The following COL17A1 variants were observed in gnomAD, a reference collection of about 807,000 sequenced individuals.
The protein encoded by COL17A1 is collagen alpha-1(XVII) chain.
In COL17A1, 181 loss-of-function variants were observed where a neutral mutation model predicts 218.4. The observed-to-expected ratio is 0.83, with a 90% CI of 0.73 to 0.94. The LOEUF is 0.94. Ranked by LOEUF, COL17A1 falls within the 40% of genes least tolerant of loss-of-function variation. The pLI is 0.00. For synonymous variants in COL17A1, 721 were observed against 731.0 expected (o/e 0.99, Z 0.22); for missense variants, 1,924 against 1,945.9 (o/e 0.99, Z 0.21).
intron 10 of COL17A1, 105 bp from the exon 11 acceptor site, chr10:104,063,923 T>C: frequency 6.5e-7 from 1 of 1,531,910 alleles, no homozygotes. Flanking sequence ...GATTGGGTTT[T>C]TATATTTTGG....
chr10:104,050,698 G>A (rs1228715872), intron 26 of COL17A1, 42 bp from the exon 27 acceptor site: 11 of 1,614,178 alleles, frequency 6.8e-6, no homozygotes, highest in Non-Finnish European at 8.5e-6. Flanking sequence ...TGCCCTACAA[G>A]GGACAACCAG....
intron 31 of COL17A1, 49 bp downstream of exon 31, chr10:104,047,690 G>A (rs2086426098): frequency 6.8e-7 from 1 of 1,461,454 alleles, no homozygotes; most frequent in South Asian, 1.1e-5. Flanking sequence ...CACACACAAA[G>A]CACACACACA....
At position 104,049,436 on chromosome 10, in the gene COL17A1, C is replaced by A. The variant is rs2086445834; in HGVS notation, c.2200G>T (p.Gly734Cys). ...PGMRGLPGAVGEPGAKGAMGP... is the reference protein window; with the variant it reads ...PGMRGLPGAVCEPGAKGAMGP... ...ATTGCTCCTTTAGCCCCGGGCTCAC[C>A]AACAGCACCAGGCAAACCTCTCATG... Residue 734 changes from glycine (G) to cysteine (C), a missense_variant, in exon 29 of 56, where the codon GGT (glycine) becomes TGT (cysteine). Physicochemically the swap from Gly to Cys is radical, Grantham distance 159. Transcript: ENST00000648076. The A allele has an allele frequency of 3.1e-6, 5 of 1,614,178 alleles. No homozygotes were observed. Among genetic ancestry groups the A allele is most frequent in the Non-Finnish European group, 3.4e-6 (4 of 1,180,030 alleles).
chr10:104,076,283 G>A lies in COL17A1; in HGVS notation c.331+18C>T, dbSNP rs1255345839. 21 of 1,613,854 alleles carry A rather than the reference G, an allele frequency of 1.3e-5. No individual in the cohort carries two copies. The highest frequency in any genetic ancestry group is 1.7e-5 in the Non-Finnish European group (20 of 1,179,856). On this transcript the variant is annotated intron_variant, in intron 5 of 55. Transcript: ENST00000648076. The stretch of plus-strand genomic sequence containing the variant: ...GGGGAAGAGAATGGTTCTCTTGTAT[G>A]GTTAGTGGGACTGATACCTTCATAC...
In COL17A1 at chr10:104,052,223, G is replaced by A; in HGVS notation, c.1940-6C>T. On this transcript the variant is annotated splice_polypyrimidine_tract_variant and splice_region_variant and intron_variant, in intron 23 of 55. Coordinates refer to ENST00000648076, the MANE Select transcript of COL17A1 (RefSeq NM_000494.4). ...ACCTGGTTCACCAGCAGCCCCTGAG[G>A]AGAAATGGAGGGATGAGCACTTTGG... 6.2e-7 allele frequency: 1 copy of A among 1,614,130 alleles called. No individual in the cohort carries two copies. Among genetic ancestry groups the A allele is most frequent in the Non-Finnish European group, 8.5e-7 (1 of 1,179,986 alleles).
chr10:104,054,888 G>A lies in COL17A1; in HGVS notation c.1744+93C>T, dbSNP rs1182454753. On this transcript the variant is annotated intron_variant, in intron 20 of 55. Transcript: ENST00000648076. ...CCCATCTGTTGTCAAATTACTTCTT[G>A]GAGTGCAAGGTGGGTTTTCTGACAC... is the stretch of plus-strand genomic sequence containing the variant. The A allele has an allele frequency of 1.9e-6, 3 of 1,582,668 alleles. No homozygotes were observed. The African/African-American group carries it at 4.0e-5, about 21-fold the overall frequency.
chr10:104,073,007 A>T (rs543695735), intron 7 of COL17A1, among the ~76,000 whole-genome samples: 1 of 152,284 alleles, frequency 6.6e-6, no homozygotes, highest in African/African-American at 2.4e-5. Context: ...CGTGCTTGTT[A>T]GATTACTGTC....
Position 104,049,502 on chromosome 10 carries a change from C to T in COL17A1, c.2165-31G>A, listed in dbSNP as rs746050064. 5.0e-6 allele frequency: 8 copies of T among 1,610,600 alleles called. No homozygotes were observed. The Middle Eastern group carries it at 9.9e-4, about 199-fold the overall frequency. ...AAGGACAAAGAACTAGCTGGTTGGA[C>T]ACTTGCAAGCTGTGTATGCTTTAAC... On this transcript the variant is annotated intron_variant, in intron 28 of 55. Coordinates refer to ENST00000648076, the MANE Select transcript of COL17A1 (RefSeq NM_000494.4).
At chr10:104,039,315 T>C (rs2086334011) in intron 43 of COL17A1, 130 bp downstream of exon 43, 2 of 1,151,420 alleles carry the variant, frequency 1.7e-6, no homozygotes, top group Non-Finnish European at 2.6e-6. Context: ...TGGCCTTTCC[T>C]TCCTCCAGCC....
At position 104,032,235 on chromosome 10, in the gene COL17A1, T is replaced by C. The variant is rs1484860637; in HGVS notation, c.4494A>G (p.Ter1498TrpextTer26). The C allele has an allele frequency of 6.2e-7, 1 of 1,613,562 alleles. No homozygotes were observed. The highest frequency in any genetic ancestry group is 8.5e-7 in the Non-Finnish European group (1 of 1,179,482). ...RRRRSIAVKP[*>W] is the part of the protein sequence containing the mutation. ...CAGGAGCTGTCCTGCCATGGCTAGC[T>C]CACGGCTTGACAGCAATACTTCTTC... Residue 1498 changes from the stop codon to tryptophan, a stop_lost, in exon 56 of 56, where the codon TGA (stop) becomes TGG (tryptophan). Coordinates refer to ENST00000648076, the MANE Select transcript of COL17A1 (RefSeq NM_000494.4).
At chr10:104,049,339 G>T in intron 29 of COL17A1, 70 bp downstream of exon 29, 1 of 1,410,744 alleles carries the variant, frequency 7.1e-7, no homozygotes, top group Non-Finnish European at 1.0e-6. Context: ...TCTAGAAGAC[G>T]GATCTCTCCA....
At position 104,052,211 on chromosome 10, in the gene COL17A1, G is replaced by A. The variant is rs762175995; in HGVS notation, c.1946C>T (p.Ala649Val). Residue 649 changes from alanine (A) to valine (V), a missense_variant, in exon 24 of 56, where the codon GCT becomes GTT. Ala to Val is a moderately conservative substitution (Grantham distance 64). Transcript: ENST00000648076. ...TGGGCCATGAGGACCTGGTTCACCA[G>A]CAGCCCCTGAGGAGAAATGGAGGGA... Reference protein sequence around the residue: ...GSGEKGERGAAGEPGPHGPPG... With the variant: ...GSGEKGERGAVGEPGPHGPPG... 1.9e-6 allele frequency: 3 copies of A among 1,614,038 alleles called. No homozygotes were observed. Among genetic ancestry groups the A allele is most frequent in the Non-Finnish European group, 2.5e-6 (3 of 1,180,010 alleles).
chr10:104,052,392 T>A (rs2086478444), intron 23 of COL17A1, among the ~76,000 whole-genome samples, 175 bp from the exon 24 acceptor site: 1 of 152,154 alleles, frequency 6.6e-6, no homozygotes, highest in Non-Finnish European at 1.5e-5. Context: ...CCCCAGAGAC[T>A]TTATAGTCTA....
At chr10:104,055,424 A>G in intron 18 of COL17A1, 23 bp from the exon 19 acceptor site, 1 of 1,605,298 alleles carries the variant, frequency 6.2e-7, no homozygotes, top group Non-Finnish European at 8.5e-7. Context: ...GCAAATCCTG[A>G]GTCAGCTTCA....
chr10:104,057,937 C>T (rs2086546552), intron 16 of COL17A1, among the ~76,000 whole-genome samples: 1 of 152,184 alleles, frequency 6.6e-6, no homozygotes, highest in South Asian at 2.1e-4. Flanking sequence ...ATCCCCTGAG[C>T]TAAGCTCCTT....
chr10:104,047,868 T>C (rs2086428128), intron 30 of COL17A1, 58 bp from the exon 31 acceptor site: 1 of 1,493,812 alleles, frequency 6.7e-7, no homozygotes, highest in Non-Finnish European at 9.3e-7. Flanking sequence ...AAACTGGTTA[T>C]CACATCTGAA....
intron 9 of COL17A1, among the ~76,000 whole-genome samples, chr10:104,065,306 G>A (rs1040617281): frequency 1.3e-5 from 2 of 152,242 alleles, no homozygotes; most frequent in Admixed American, 1.3e-4. Flanking sequence ...CTTTTCTCCA[G>A]TAGTGAATGG....
In COL17A1 at chr10:104,043,712, G is replaced by A. The variant is rs1341521039; in HGVS notation, c.2434+113C>T. 3.2e-5 allele frequency: 49 copies of A among 1,513,888 alleles called. 2 individuals are homozygous for A. The South Asian group carries it at 3.6e-4, about 11-fold the overall frequency. 93.8% of individuals were successfully genotyped at this position (1,513,888 alleles called of 1,614,324 possible). Reference sequence around the variant, plus strand: ...CGCTGCTAAATTTCCCTCCTCCCCCGCTACTGATCCAAAAAACTCCCAGCC... The same window carrying A: ...CGCTGCTAAATTTCCCTCCTCCCCCACTACTGATCCAAAAAACTCCCAGCC... On this transcript the variant is annotated intron_variant, in intron 34 of 55. Transcript: ENST00000648076.
rs1266966179 is a variant in COL17A1, at chr10:104,039,650, A to G, written c.2789-10T>C. The G allele has an allele frequency of 6.2e-7, 1 of 1,614,090 alleles. No homozygotes were observed. Among genetic ancestry groups the G allele is most frequent in the South Asian group, 1.1e-5 (1 of 91,082 alleles). ...GGGAGGCCTTGCTCGCCTGAGGAAC[A>G]CACCAAGGGAGGGACAGTCAGCCTC... On this transcript the variant is annotated splice_polypyrimidine_tract_variant and intron_variant, in intron 41 of 55. Coordinates refer to ENST00000648076, the MANE Select transcript of COL17A1 (RefSeq NM_000494.4).
Sources: allele counts gnomAD v4.1 joint callset (sites outside exome capture counted in the v4.1 genomes callset), GRCh38; gene constraint gnomAD v4.1.1; transcripts MANE v1.5; gene names NCBI Gene and HGNC (gene_info 2026-07-23, HGNC 2026-07-21).